The following PHF24 variants were observed in gnomAD, a reference collection of about 807,000 sequenced individuals.
PHF24 encodes Galpha inhibitory interacting protein.
In PHF24, 25 loss-of-function variants were observed where a neutral mutation model predicts 42.6. The ratio of observed to expected loss-of-function variants is 0.59; its 90% CI spans 0.43 to 0.82. The LOEUF (loss-of-function observed/expected upper bound fraction) is 0.82, where lower values mean the gene tolerates loss of function less well. PHF24 is among the 40% of genes least tolerant of loss of function. The pLI is 0.00. For missense variants in PHF24, 470 were observed against 538.1 expected (o/e 0.87, Z 1.25); for synonymous variants, 185 against 204.8 (o/e 0.90, Z 0.83).
the PHF24 span, among the ~76,000 whole-genome samples, chr9:34,697,126 T>C: frequency 6.6e-6 from 1 of 152,180 alleles, no homozygotes; most frequent in Non-Finnish European, 1.5e-5. Context: ...TAATATTCTG[T>C]TGGGTTGATT....
the PHF24 span, among the ~76,000 whole-genome samples, chr9:34,812,794 C>A: frequency 6.6e-6 from 1 of 152,228 alleles, no homozygotes; most frequent in East Asian, 1.9e-4. Context: ...AACACTTGCA[C>A]TTCGTAAAGC....
intron 6 of PHF24, 37 bp from the exon 7 acceptor site, chr9:34,977,509 T>A: frequency 6.4e-7 from 1 of 1,568,120 alleles, no homozygotes; most frequent in East Asian, 2.3e-5. Context: ...GGCATTTCAC[T>A]ATCCCACTCC....
chr9:34,930,784 GT>G, the PHF24 span, among the ~76,000 whole-genome samples: 1 of 152,302 alleles, frequency 6.6e-6, no homozygotes, highest in African/African-American at 2.4e-5. Flanking sequence ...CAATTCTAAT[GT>G]TAAAAAGCTA....
the PHF24 span, among the ~76,000 whole-genome samples, chr9:34,887,011 A>G: frequency 6.6e-6 from 1 of 152,116 alleles, no homozygotes; most frequent in Non-Finnish European, 1.5e-5. Flanking sequence ...TCCCACCATC[A>G]TCACCCAGTA....
the PHF24 span, among the ~76,000 whole-genome samples, chr9:34,673,051 G>T: frequency 6.6e-6 from 1 of 152,148 alleles, no homozygotes; most frequent in South Asian, 2.1e-4. Flanking sequence ...TGACAGGAAT[G>T]AGATCCCTAC....
At chr9:34,927,336 G>C in the PHF24 span, among the ~76,000 whole-genome samples, 1 of 152,178 alleles carries the variant, frequency 6.6e-6, no homozygotes. Context: ...CCCAGTGCTG[G>C]AGATATGCAG....
chr9:34,674,251 G>A, the PHF24 span, among the ~76,000 whole-genome samples: 18 of 152,270 alleles, frequency 1.2e-4, no homozygotes, highest in East Asian at 2.9e-3. Context: ...ACTGGTATTC[G>A]GAGCAAAACT....
the PHF24 span, among the ~76,000 whole-genome samples, chr9:34,718,392 C>T: frequency 5.3e-5 from 8 of 152,220 alleles, no homozygotes; most frequent in African/African-American, 1.9e-4. Context: ...TGAGAATGCA[C>T]AGACCTCTGC....
the PHF24 span, among the ~76,000 whole-genome samples, chr9:34,887,266 A>C: frequency 6.6e-6 from 1 of 151,968 alleles, no homozygotes; most frequent in Non-Finnish European, 1.5e-5. Flanking sequence ...CCCTGCTTCT[A>C]CTCAAATCTA....
chr9:34,961,656 A>C (rs1171581726), intron 1 of PHF24, among the ~76,000 whole-genome samples: 1 of 152,244 alleles, frequency 6.6e-6, no homozygotes, highest in African/African-American at 2.4e-5. Flanking sequence ...CCCAAGCATC[A>C]CTGAAACTCA....
At chr9:34,917,209 G>C in the PHF24 span, 1 of 1,446,324 alleles carries the variant, frequency 6.9e-7, no homozygotes. Context: ...TTAAATAAAG[G>C]CATCAAGCAG....
At chr9:34,886,922 A>C in the PHF24 span, among the ~76,000 whole-genome samples, 2 of 152,072 alleles carry the variant, frequency 1.3e-5, no homozygotes, top group Admixed American at 6.6e-5. Flanking sequence ...TCAAATGCCC[A>C]AATTGTCTAA....
At chr9:34,915,218 G>C in the PHF24 span, among the ~76,000 whole-genome samples, 1 of 151,722 alleles carries the variant, frequency 6.6e-6, no homozygotes, top group Non-Finnish European at 1.5e-5. Flanking sequence ...ATTTTTTGTA[G>C]AGACGGGGTT....
At chr9:34,947,938 C>G in the PHF24 span, among the ~76,000 whole-genome samples, 1 of 151,934 alleles carries the variant, frequency 6.6e-6, no homozygotes, top group African/African-American at 2.4e-5. Context: ...AAAACCCCGT[C>G]TCTACTAAAA....
chr9:34,800,296 A>G, the PHF24 span, among the ~76,000 whole-genome samples: 1 of 152,296 alleles, frequency 6.6e-6, no homozygotes, highest in South Asian at 2.1e-4. Context: ...AAAGAAGATG[A>G]GAAACATTTA....
At chr9:34,750,976 T>A in the PHF24 span, among the ~76,000 whole-genome samples, 1 of 152,188 alleles carries the variant, frequency 6.6e-6, no homozygotes, top group Admixed American at 6.5e-5. Flanking sequence ...CAGTGATTTG[T>A]TGCCTACAAA....
chr9:34,684,710 G>A, the PHF24 span, among the ~76,000 whole-genome samples: 2 of 152,186 alleles, frequency 1.3e-5, no homozygotes, highest in Non-Finnish European at 2.9e-5. Flanking sequence ...GGTTTGGCAG[G>A]AATGAGGTCG....
the PHF24 span, among the ~76,000 whole-genome samples, chr9:34,800,021 A>C: frequency 6.6e-6 from 1 of 152,186 alleles, no homozygotes; most frequent in Non-Finnish European, 1.5e-5. Context: ...ATGAGAAATT[A>C]CTTAATGGAT....
upstream of PHF24, among the ~76,000 whole-genome samples, chr9:34,953,122 T>C (rs11790647): frequency 0.18 from 27,829 of 152,210 alleles, 3,177 homozygotes; most frequent in East Asian, 0.58. The surrounding 1 kb of genome is among the most constrained non-coding windows in gnomAD (Gnocchi z 4.1). Context: ...ATGGATAAAC[T>C]GGACTTCATC....
Sources: allele counts gnomAD v4.1 joint callset (sites outside exome capture counted in the v4.1 genomes callset), GRCh38; gene constraint gnomAD v4.1.1; non-coding constraint Gnocchi (gnomAD v3.1); transcripts MANE v1.5; gene names NCBI Gene and HGNC (gene_info 2026-07-23, HGNC 2026-07-21).